Variants in DGKB observed in about 807,000 individuals in gnomAD.
DGKB encodes the protein 90 kDa diacylglycerol kinase.
In DGKB, 67 loss-of-function variants were observed where a neutral mutation model predicts 114.3. The observed-to-expected ratio is 0.59, with a 90% CI of 0.48 to 0.72. The LOEUF (loss-of-function observed/expected upper bound fraction) is 0.72, where lower values mean the gene tolerates loss of function less well. Among genes scored for constraint, DGKB ranks in the 30% least tolerant of loss-of-function variants. The probability of loss-of-function intolerance (pLI) is 0.00; values close to 1 mark genes in which losing one functional copy is unlikely to be tolerated. For synonymous variants in DGKB, 398 were observed against 323.1 expected (o/e 1.23, Z -2.49); for missense variants, 907 against 975.2 (o/e 0.93, Z 0.93).
intron 20 of DGKB, among the ~76,000 whole-genome samples, chr7:14,509,960 G>A (rs372072757): frequency 6.6e-6 from 1 of 152,106 alleles, no homozygotes. Context: ...CTGGTCATGA[G>A]GTCAGGAGAT....
intron 14 of DGKB, among the ~76,000 whole-genome samples, chr7:14,624,688 G>A (rs141327616): frequency 2.0e-5 from 3 of 152,178 alleles, no homozygotes; most frequent in East Asian, 3.9e-4. Context: ...AATTGCTTTA[G>A]TGTAAACAAT....
chr7:14,403,739 C>T (rs1048876636), intron 21 of DGKB, among the ~76,000 whole-genome samples: 1 of 151,924 alleles, frequency 6.6e-6, no homozygotes, highest in African/African-American at 2.4e-5. Flanking sequence ...ATTTATCAAC[C>T]ACCACACTAG....
chr7:14,256,197 T>A (rs73273678), intron 23 of DGKB, among the ~76,000 whole-genome samples: 1 of 152,134 alleles, frequency 6.6e-6, no homozygotes. Context: ...ATCTTCCTCT[T>A]CCACATACTC....
rs561880047 is a variant in DGKB at position 14,534,105 on chromosome 7, T to G, written c.1770+40107A>C. 2.1e-4 allele frequency among the ~76,000 whole-genome samples: 32 copies of G among 152,078 alleles called. No individual in the cohort carries two copies. The South Asian group carries it at 3.3e-3, about 16-fold the overall frequency. ...ATTACTTATAACTATCACCACAAATTTTGTTTAATAAATAAACAATAGAAA... is the reference window on the plus strand; with the variant it reads ...ATTACTTATAACTATCACCACAAATGTTGTTTAATAAATAAACAATAGAAA... On this transcript the variant is annotated intron_variant, in intron 20 of 25. Coordinates refer to ENST00000402815, the MANE Select transcript of DGKB (RefSeq NM_001350709.2).
intron 25 of DGKB, among the ~76,000 whole-genome samples, chr7:14,164,050 C>A (rs1784300133): frequency 6.6e-6 from 1 of 151,558 alleles, no homozygotes; most frequent in East Asian, 1.9e-4. Context: ...ACCACCACAA[C>A]AACAACAAAA....
chr7:14,366,467 G>A (rs1816690888), intron 21 of DGKB, among the ~76,000 whole-genome samples: 1 of 152,134 alleles, frequency 6.6e-6, no homozygotes, highest in Non-Finnish European at 1.5e-5. Context: ...TGACATTGCT[G>A]TATCCTGAAT....
chr7:14,258,727 C>CA (rs1796302478), intron 23 of DGKB, among the ~76,000 whole-genome samples: 3 of 151,900 alleles, frequency 2.0e-5, no homozygotes, highest in Admixed American at 2.0e-4. Context: ...GTCTTTGGTG[C>CA]AAAAAGGAAC....
At chr7:14,423,257 A>G (rs1403263972) in intron 21 of DGKB, among the ~76,000 whole-genome samples, 1 of 152,112 alleles carries the variant, frequency 6.6e-6, no homozygotes, top group Non-Finnish European at 1.5e-5. Context: ...CCTAGGAACT[A>G]GTCTTTAAAC....
chr7:14,764,924 C>G (rs1225066777), intron 2 of DGKB, among the ~76,000 whole-genome samples: 1 of 151,660 alleles, frequency 6.6e-6, no homozygotes. Context: ...CTACTTAGAG[C>G]CAGCAGCAGA....
intron 1 of DGKB, among the ~76,000 whole-genome samples, chr7:14,926,132 T>C (rs879614874): frequency 2.0e-5 from 3 of 152,072 alleles, no homozygotes; most frequent in Non-Finnish European, 4.4e-5. Context: ...TTTTTTTGCA[T>C]CTATTAATAT....
chr7:14,899,132 G>A (rs114121111), intron 1 of DGKB, among the ~76,000 whole-genome samples: 237 of 152,218 alleles, frequency 1.6e-3, no homozygotes, highest in African/African-American at 5.2e-3. Flanking sequence ...GTTAGTCTCT[G>A]TAACACTTCA....
At chr7:14,171,718 T>G (rs1781025135) in intron 25 of DGKB, among the ~76,000 whole-genome samples, 1 of 152,230 alleles carries the variant, frequency 6.6e-6, no homozygotes, top group Non-Finnish European at 1.5e-5. Flanking sequence ...GTGAATGAAT[T>G]GCTAGCCAAC....
chr7:14,854,850 C>T (rs1462665232), intron 1 of DGKB, among the ~76,000 whole-genome samples: 2 of 152,066 alleles, frequency 1.3e-5, no homozygotes, highest in African/African-American at 4.8e-5. Context: ...TAAAATTGGT[C>T]TACTCTGTGT....
At chr7:14,307,741 T>A (rs912261213) in intron 23 of DGKB, among the ~76,000 whole-genome samples, 5 of 152,218 alleles carry the variant, frequency 3.3e-5, no homozygotes, top group Non-Finnish European at 7.4e-5. Context: ...TAGTGTGATT[T>A]TCCCTGAACA....
At chr7:14,203,723 A>G (rs1786288933) in intron 23 of DGKB, among the ~76,000 whole-genome samples, 1 of 152,002 alleles carries the variant, frequency 6.6e-6, no homozygotes, top group Admixed American at 6.6e-5. Context: ...CATCATGAGT[A>G]TGATGGAAAT....
chr7:14,229,376 C>T (rs1400107666), intron 23 of DGKB, among the ~76,000 whole-genome samples: 1 of 151,910 alleles, frequency 6.6e-6, no homozygotes, highest in Non-Finnish European at 1.5e-5. Context: ...TGTTACTTTA[C>T]TGAATACTGT....
intron 20 of DGKB, among the ~76,000 whole-genome samples, chr7:14,560,117 G>C (rs751678337): frequency 3.3e-5 from 5 of 151,754 alleles, no homozygotes; most frequent in Non-Finnish European, 7.4e-5. Context: ...ATTAACCCTT[G>C]TGATGTAGTG....
intron 4 of DGKB, chr7:14,750,209 T>TC: frequency 2.0e-6 from 1 of 510,178 alleles, no homozygotes; most frequent in Non-Finnish European, 3.9e-6. Context: ...TATGTTATAG[T>TC]TAAAGCATAA....
chr7:14,671,226 A>G (rs534900832), intron 13 of DGKB, among the ~76,000 whole-genome samples: 1 of 152,288 alleles, frequency 6.6e-6, no homozygotes, highest in South Asian at 2.1e-4. Flanking sequence ...GCATGTCGAC[A>G]TTGTGAACCC....
Sources: gnomAD v4.1 joint callset for allele counts (sites outside exome capture counted in the v4.1 genomes callset) on GRCh38, gnomAD v4.1.1 for gene constraint, MANE v1.5 for transcripts, NCBI Gene and HGNC (gene_info 2026-07-23, HGNC 2026-07-21) for gene names.